BMPR2: variants seen among roughly 807,000 people sequenced by gnomAD.
BMPR2 encodes bone morphogenetic protein receptor type-2.
BMPR2 carries 29 observed loss-of-function variants against 100.8 expected under a neutral mutation model. The ratio of observed to expected loss-of-function variants is 0.29; its 90% CI spans 0.21 to 0.39. The LOEUF is 0.39. Among genes scored for constraint, BMPR2 ranks in the 10% least tolerant of loss-of-function variants. The probability of loss-of-function intolerance (pLI) is 1.00; values close to 1 mark genes in which losing one functional copy is unlikely to be tolerated. For synonymous variants in BMPR2, 382 were observed against 442.3 expected, an observed-to-expected ratio of 0.86 and a Z score of 1.71; for missense variants, 1,011 against 1,274.5, an observed-to-expected ratio of 0.79 and a Z score of 3.15.
chr2:202,476,440 A>G (rs1037299401), intron 3 of BMPR2, among the ~76,000 whole-genome samples: 1 of 152,224 alleles, frequency 6.6e-6, no homozygotes, highest in Admixed American at 6.6e-5. Flanking sequence ...CATTTAAAAT[A>G]CATTCAAAAC....
chr2:202,479,925 A>G (rs1445569185), intron 3 of BMPR2, among the ~76,000 whole-genome samples: 1 of 152,130 alleles, frequency 6.6e-6, no homozygotes, highest in South Asian at 2.1e-4. Flanking sequence ...TGTTAATTCA[A>G]ACCCATTGCC....
chr2:202,398,194 T>A (rs181697889), intron 1 of BMPR2, among the ~76,000 whole-genome samples: 53 of 152,254 alleles, frequency 3.5e-4, no homozygotes, highest in Non-Finnish European at 7.4e-5. Flanking sequence ...CAGAGACTCA[T>A]TTTTTCTTAT....
chr2:202,383,862 A>T (rs1257259216), intron 1 of BMPR2, among the ~76,000 whole-genome samples: 1 of 150,462 alleles, frequency 6.6e-6, no homozygotes, highest in African/African-American at 2.4e-5. Flanking sequence ...AAAAAAAAAA[A>T]ATTACTATTT....
chr2:202,548,751 T>C (rs1688420427), intron 10 of BMPR2, among the ~76,000 whole-genome samples: 1 of 152,202 alleles, frequency 6.6e-6, no homozygotes, highest in Admixed American at 6.5e-5. Flanking sequence ...CTTTAACTTA[T>C]TTACACAAGC....
chr2:202,377,197 T>G lies in BMPR2; in HGVS notation c.-278T>G, dbSNP rs1559286661. 5.0e-6 allele frequency: 3 copies of G among 596,564 alleles called. No homozygotes were observed. The highest frequency in any genetic ancestry group is 3.0e-5 in the Admixed American group (1 of 33,744). 37.0% of individuals were successfully genotyped at this position (596,564 alleles called of 1,614,324 possible). On this transcript the variant is annotated 5_prime_UTR_variant, in exon 1 of 13. Transcript: ENST00000374580. The stretch of plus-strand genomic sequence containing the variant: ...GGGGGATTTCTTCTTGGCTCCCTGC[T>G]TTCCCCACAGACATGCCTTCCGTTT...
At chr2:202,487,948 G>A (rs1437737515) in intron 3 of BMPR2, among the ~76,000 whole-genome samples, 1 of 152,182 alleles carries the variant, frequency 6.6e-6, no homozygotes, top group Non-Finnish European at 1.5e-5. Flanking sequence ...GACCTCAGGT[G>A]ATTAGCATGC....
Position 202,532,825 on chromosome 2 carries a change from G to C in BMPR2, c.1276+93G>C, listed in dbSNP as rs1656332417. 1 of 1,387,080 alleles carries C rather than the reference G, an allele frequency of 7.2e-7. No individual in the cohort carries two copies. Among genetic ancestry groups the C allele is most frequent in the South Asian group, 1.2e-5 (1 of 80,904 alleles). The allele number at this position is 1,387,080 out of a possible 1,614,324, so 85.9% of individuals were successfully genotyped here. A position where few individuals can be genotyped will look rare whatever the true frequency, so the allele number is the denominator to read the frequency against. ...AGTACCTAACTCAACTTTTATGTAAGAATCTTTTTACTTTCATTTAAACCT... is the reference window on the plus strand; with the variant it reads ...AGTACCTAACTCAACTTTTATGTAACAATCTTTTTACTTTCATTTAAACCT... On this transcript the variant is annotated intron_variant, in intron 9 of 12. Transcript: ENST00000374580. The surrounding 1 kb of genome is among the most constrained non-coding windows in gnomAD (Gnocchi z 4.1).
chr2:202,561,376 G>T lies in BMPR2; in HGVS notation c.*1430G>T, dbSNP rs796696767. 1 of 152,092 alleles carries T rather than the reference G, an allele frequency of 6.6e-6. No homozygotes were observed. The highest frequency in any genetic ancestry group is 2.4e-5 in the African/African-American group (1 of 41,508). 9.4% of individuals were successfully genotyped at this position (152,092 alleles called of 1,614,324 possible). ...AGAGTATACCTTTTAGTAATAAAAT[G>T]ACTTGAAATCATATTATTTTTAAAA... On this transcript the variant is annotated 3_prime_UTR_variant, in exon 13 of 13. Coordinates refer to ENST00000374580, the MANE Select transcript of BMPR2 (RefSeq NM_001204.7).
intron 1 of BMPR2, among the ~76,000 whole-genome samples, chr2:202,445,035 G>A (rs1691824492): frequency 2.7e-5 from 4 of 150,254 alleles, no homozygotes; most frequent in Admixed American, 2.6e-4. Flanking sequence ...TGATCCACCT[G>A]CCTTGGCCTC....
intron 1 of BMPR2, among the ~76,000 whole-genome samples, chr2:202,416,840 TC>T (rs993125151): frequency 2.0e-5 from 3 of 151,556 alleles, no homozygotes; most frequent in African/African-American, 7.3e-5. Flanking sequence ...TTTTTCTTTT[TC>T]TTTTTTTTTT....
intron 1 of BMPR2, among the ~76,000 whole-genome samples, chr2:202,395,118 G>A (rs943898901): frequency 1.3e-4 from 20 of 152,020 alleles, no homozygotes; most frequent in African/African-American, 2.7e-4. Context: ...TCCTGATCTC[G>A]TGGTTCACCC....
At chr2:202,476,608 A>G (rs999795084) in intron 3 of BMPR2, among the ~76,000 whole-genome samples, 6 of 152,120 alleles carry the variant, frequency 3.9e-5, no homozygotes, top group Non-Finnish European at 5.9e-5. Flanking sequence ...TGGTAACACA[A>G]TGAAACCCGT....
intron 1 of BMPR2, among the ~76,000 whole-genome samples, chr2:202,401,335 G>GT (rs1464611380): frequency 2.6e-5 from 4 of 152,150 alleles, no homozygotes; most frequent in Non-Finnish European, 5.9e-5. Context: ...ATTAATAGAT[G>GT]TTTTTTACTC....
rs1038057939 is a variant in BMPR2 at position 202,495,473 on chromosome 2, C to G, written c.419-18246C>G. The stretch of plus-strand genomic sequence containing the variant: ...TCGACGACCAGCCACTTTCTTCCGC[C>G]GATGTGCTCCTCTTTACGTCTGGCC... On this transcript the variant is annotated intron_variant, in intron 3 of 12. Coordinates refer to ENST00000374580, the MANE Select transcript of BMPR2 (RefSeq NM_001204.7). The surrounding 1 kb of genome is among the most constrained non-coding windows in gnomAD (Gnocchi z 4.5). Among the ~76,000 whole-genome samples the G allele has an allele frequency of 6.6e-6, 1 of 152,136 alleles. No homozygotes were observed. The highest frequency in any genetic ancestry group is 6.5e-5 in the Admixed American group (1 of 15,270).
In BMPR2 at chr2:202,433,681, G is replaced by A. The variant is rs1450371434; in HGVS notation, c.77-31128G>A. On this transcript the variant is annotated intron_variant, in intron 1 of 12. Transcript: ENST00000374580. ...TCCCAGCACTTTGGGAGGCTGAGGC[G>A]GGCGGATCACGAGGTCAAGAGATCA... is the stretch of plus-strand genomic sequence containing the variant. Among the ~76,000 whole-genome samples the A allele has an allele frequency of 1.9e-4, 28 of 150,366 alleles. 3 individuals are homozygous for A. Among genetic ancestry groups the A allele is most frequent in the African/African-American group, 5.5e-4 (22 of 39,772 alleles).
At chr2:202,383,414 C>T (rs1303552167) in intron 1 of BMPR2, among the ~76,000 whole-genome samples, 2 of 152,136 alleles carry the variant, frequency 1.3e-5, no homozygotes, top group Non-Finnish European at 2.9e-5. Flanking sequence ...GTTGCCATGG[C>T]TCACGCTTGT....
intron 10 of BMPR2, among the ~76,000 whole-genome samples, chr2:202,545,971 T>A (rs1688368113): frequency 6.6e-6 from 1 of 152,214 alleles, no homozygotes; most frequent in South Asian, 2.1e-4. Flanking sequence ...AACTTCATCT[T>A]CCTTAAATTG....
Position 202,459,093 on chromosome 2 carries a change from T to C in BMPR2, c.77-5716T>C, listed in dbSNP as rs145506250. ...AGCCTTCCTCTTTGATTGAGTGCAC[T>C]CTCTTCTTTTCTAAGGTTTTCGTTT... On this transcript the variant is annotated intron_variant, in intron 1 of 12. Transcript: ENST00000374580. 2.1e-4 allele frequency among the ~76,000 whole-genome samples: 32 copies of C among 152,256 alleles called. No homozygotes were observed. The East Asian group carries it at 6.2e-3, about 29-fold the overall frequency.
At chr2:202,502,945 C>G (rs1257810784) in intron 3 of BMPR2, among the ~76,000 whole-genome samples, 1 of 152,132 alleles carries the variant, frequency 6.6e-6, no homozygotes, top group Non-Finnish European at 1.5e-5. Context: ...TTAACCTTGT[C>G]AAATTCGTTT....
Sources: allele counts gnomAD v4.1 joint callset (sites outside exome capture counted in the v4.1 genomes callset), GRCh38; gene constraint gnomAD v4.1.1; non-coding constraint Gnocchi (gnomAD v3.1); transcripts MANE v1.5; gene names NCBI Gene and HGNC (gene_info 2026-07-23, HGNC 2026-07-21).